The following NUP37 variants were observed in gnomAD, a reference collection of about 807,000 sequenced individuals.
NUP37 encodes the protein nucleoporin 37, also known as nucleoporin Nup37.
In NUP37, 33 loss-of-function variants were observed where a neutral mutation model predicts 45.4. That is an observed-to-expected ratio of 0.73 (90% CI 0.55 to 0.97). The LOEUF is 0.97. Ranked by LOEUF, NUP37 falls within the 50% of genes least tolerant of loss-of-function variation. NUP37 has a pLI of 0.00. For missense variants in NUP37, 365 were observed against 389.7 expected (o/e 0.94, Z 0.53); for synonymous variants, 127 against 130.7 (o/e 0.97, Z 0.19).
rs1410955662 is a variant in NUP37, at chr12:102,073,909, T to C, written c.*445A>G. On this transcript the variant is annotated 3_prime_UTR_variant, in exon 10 of 10. Transcript: ENST00000552283. Reference sequence around the variant, plus strand: ...GTCTTGAACTCCTCACCTCAAGTGATCCACTCCCTTCAGCCTCCCAAAGTG... The same window carrying C: ...GTCTTGAACTCCTCACCTCAAGTGACCCACTCCCTTCAGCCTCCCAAAGTG... 6.6e-6 allele frequency: 1 copy of C among 152,378 alleles called. No homozygotes were observed. The highest frequency in any genetic ancestry group is 1.5e-5 in the Non-Finnish European group (1 of 68,232). 9.4% of individuals were successfully genotyped at this position (152,378 alleles called of 1,614,324 possible).
Position 102,077,447 on chromosome 12 carries a change from C to T in NUP37, c.597G>A (p.Gln199=). 1 of 1,613,986 alleles carries T rather than the reference C, an allele frequency of 6.2e-7. No homozygotes were observed. The highest frequency in any genetic ancestry group is 8.5e-7 in the Non-Finnish European group (1 of 1,179,994). ...TIRFYDLLAQ[Q]AILSLESEQV... Reference sequence around the variant, plus strand: ...GTTCTGATTCAAGAGATAAAATAGCCTGTTGGGCCAAAAGATCATAAAACC... The same window carrying T: ...GTTCTGATTCAAGAGATAAAATAGCTTGTTGGGCCAAAAGATCATAAAACC... The change falls in exon 7 of 10, where the codon CAG becomes CAA. Residue 199 remains glutamine (Q), a synonymous_variant. Coordinates refer to ENST00000552283, the MANE Select transcript of NUP37 (RefSeq NM_024057.4).
intron 4 of NUP37, among the ~76,000 whole-genome samples, 176 bp downstream of exon 4, chr12:102,100,856 T>C (rs779357506): frequency 1.3e-4 from 20 of 152,152 alleles, no homozygotes; most frequent in Non-Finnish European, 2.9e-4. Context: ...ACTTAGTTCT[T>C]AATAATATAG....
chr12:102,098,907 T>A (rs1758519135), intron 5 of NUP37, among the ~76,000 whole-genome samples, 199 bp downstream of exon 5: 1 of 152,184 alleles, frequency 6.6e-6, no homozygotes. Flanking sequence ...GCAAGGAAGT[T>A]TTCATTAATG....
intron 5 of NUP37, among the ~76,000 whole-genome samples, chr12:102,086,088 CCTCT>C (rs1272227869): frequency 6.6e-6 from 1 of 151,902 alleles, no homozygotes; most frequent in African/African-American, 2.4e-5. Context: ...ACACATTTTC[CCTCT>C]AATTAATCTA....
chr12:102,108,762 C>G (rs535183510), intron 3 of NUP37, among the ~76,000 whole-genome samples: 91 of 152,264 alleles, frequency 6.0e-4, no homozygotes, highest in South Asian at 2.1e-4. Flanking sequence ...ATAGGAAACT[C>G]TAGACAAATT....
intron 8 of NUP37, 112 bp from the exon 9 acceptor site, chr12:102,075,206 T>G (rs907397680): frequency 2.1e-5 from 13 of 614,374 alleles, no homozygotes; most frequent in Admixed American, 9.5e-5. Flanking sequence ...GACAGGGTCT[T>G]GCTCTGTCAC....
At chr12:102,082,818 C>A (rs1410007729) in intron 6 of NUP37, among the ~76,000 whole-genome samples, 1 of 151,854 alleles carries the variant, frequency 6.6e-6, no homozygotes, top group Non-Finnish European at 1.5e-5. Flanking sequence ...TAAGGCTTGG[C>A]AAGTTAGGCA....
chr12:102,081,787 T>C (rs1056082065), intron 6 of NUP37, among the ~76,000 whole-genome samples: 1 of 152,046 alleles, frequency 6.6e-6, no homozygotes, highest in East Asian at 1.9e-4. Context: ...TTAACCTCCC[T>C]GGCATGAGCA....
At chr12:102,108,469 G>A (rs1245385112) in intron 3 of NUP37, among the ~76,000 whole-genome samples, 1 of 152,142 alleles carries the variant, frequency 6.6e-6, no homozygotes, top group Non-Finnish European at 1.5e-5. Flanking sequence ...CAGACTGGCT[G>A]CCTTGCTCCT....
chr12:102,111,926 A>T (rs1880327426), intron 3 of NUP37, among the ~76,000 whole-genome samples, 182 bp downstream of exon 3: 1 of 152,254 alleles, frequency 6.6e-6, no homozygotes, highest in African/African-American at 2.4e-5. Flanking sequence ...ATGGCTGTAT[A>T]TTTAAATCAC....
chr12:102,079,519 G>A (rs1189357523), intron 6 of NUP37, among the ~76,000 whole-genome samples: 6 of 152,086 alleles, frequency 3.9e-5, no homozygotes, highest in African/African-American at 4.8e-5. Context: ...TGATCAATAC[G>A]TAGCTTTTGA....
intron 3 of NUP37, among the ~76,000 whole-genome samples, chr12:102,103,833 T>G (rs1880044614): frequency 6.6e-6 from 1 of 152,056 alleles, no homozygotes; most frequent in African/African-American, 2.4e-5. Flanking sequence ...TGATAAAAAC[T>G]CAACAAATTA....
intron 2 of NUP37, 98 bp downstream of exon 2, chr12:102,118,265 C>A: frequency 3.5e-6 from 4 of 1,142,154 alleles, no homozygotes; most frequent in Non-Finnish European, 4.9e-6. Context: ...TTTTAACATT[C>A]AAACTCAATA....
At chr12:102,115,629 A>T (rs1880442315) in intron 2 of NUP37, among the ~76,000 whole-genome samples, 1 of 152,240 alleles carries the variant, frequency 6.6e-6, no homozygotes, top group Non-Finnish European at 1.5e-5. Context: ...ACACCAGTTA[A>T]CAGTACTATC....
intron 5 of NUP37, among the ~76,000 whole-genome samples, chr12:102,097,613 C>T (rs182734881): frequency 8.5e-5 from 13 of 152,252 alleles, no homozygotes; most frequent in Admixed American, 4.6e-4. Context: ...TAGGTCTCTC[C>T]GGCTTTCGTT....
At chr12:102,109,234 G>T (rs188111968) in intron 3 of NUP37, among the ~76,000 whole-genome samples, 12 of 152,152 alleles carry the variant, frequency 7.9e-5, no homozygotes, top group African/African-American at 1.4e-4. Context: ...AGTAGGGATG[G>T]AAAGAGTAGA....
intron 3 of NUP37, among the ~76,000 whole-genome samples, chr12:102,108,616 T>C (rs1402898175): frequency 6.6e-6 from 1 of 151,924 alleles, no homozygotes; most frequent in Non-Finnish European, 1.5e-5. Flanking sequence ...ACTCTATGTG[T>C]GTTTAAACAC....
At chr12:102,108,943 A>G (rs1880234925) in intron 3 of NUP37, among the ~76,000 whole-genome samples, 1 of 152,236 alleles carries the variant, frequency 6.6e-6, no homozygotes, top group Non-Finnish European at 1.5e-5. Flanking sequence ...AGGTATTAAT[A>G]GCAAAATGAA....
At chr12:102,106,966 C>A (rs538008505) in intron 3 of NUP37, among the ~76,000 whole-genome samples, 1 of 152,162 alleles carries the variant, frequency 6.6e-6, no homozygotes, top group South Asian at 2.1e-4. Context: ...AATGAGGCAC[C>A]AGACCCCTCG....
Sources: allele counts gnomAD v4.1 joint callset (sites outside exome capture counted in the v4.1 genomes callset), GRCh38; gene constraint gnomAD v4.1.1; transcripts MANE v1.5; gene names NCBI Gene and HGNC (gene_info 2026-07-23, HGNC 2026-07-21).